The following NPAS3 variants were observed in gnomAD, a reference collection of about 807,000 sequenced individuals.
NPAS3 encodes neuronal PAS domain-containing protein 3.
NPAS3 carries 14 observed loss-of-function variants against 73.1 expected under a neutral mutation model. The ratio of observed to expected loss-of-function variants is 0.19; its 90% CI spans 0.13 to 0.30. NPAS3 has a LOEUF of 0.30. NPAS3 is among the 10% of genes least tolerant of loss of function. The pLI is 1.00. For synonymous variants in NPAS3, 620 were observed against 541.5 expected (o/e 1.14, Z -2.01); for missense variants, 1,096 against 1,250.0 (o/e 0.88, Z 1.86).
rs576746865 is a variant in NPAS3, at chr14:33,749,823, A to G, written c.852+14491A>G. Among the ~76,000 whole-genome samples, 6 of 152,238 alleles carry G rather than the reference A, an allele frequency of 3.9e-5. No homozygotes were observed. The East Asian group carries it at 9.7e-4, about 25-fold the overall frequency. ...AAGCCCAGAACCAACACACCATACC[A>G]TCACTGTCCCACAGAGTGCTGACAG... On this transcript the variant is annotated intron_variant, in intron 7 of 11. Coordinates refer to ENST00000356141, the Ensembl canonical transcript of NPAS3.
At chr14:33,794,950 G>A (rs1266042582) in intron 10 of NPAS3, among the ~76,000 whole-genome samples, 3 of 152,144 alleles carry the variant, frequency 2.0e-5, no homozygotes, top group Non-Finnish European at 2.9e-5. Context: ...GAGCCCACAC[G>A]TGGTCTGAGT....
At chr14:33,050,257 G>A (rs568091685) in intron 1 of NPAS3, among the ~76,000 whole-genome samples, 3 of 152,152 alleles carry the variant, frequency 2.0e-5, no homozygotes, top group Admixed American at 2.0e-4. Context: ...TGGCCAGTTG[G>A]GTTTTTTTGT....
chr14:33,287,029 T>C (rs2041905020), intron 3 of NPAS3, among the ~76,000 whole-genome samples: 1 of 152,182 alleles, frequency 6.6e-6, no homozygotes, highest in South Asian at 2.1e-4. Context: ...AATTTGCAGA[T>C]AGGATGTTTA....
intron 5 of NPAS3, among the ~76,000 whole-genome samples, chr14:33,618,462 A>G (rs1453731203): frequency 6.6e-6 from 1 of 152,122 alleles, no homozygotes; most frequent in Non-Finnish European, 1.5e-5. Flanking sequence ...CACAGTTCAC[A>G]ATAGGGTCCA....
intron 1 of NPAS3, among the ~76,000 whole-genome samples, chr14:32,958,388 A>G (rs186234326): frequency 9.7e-4 from 148 of 152,224 alleles, no homozygotes; most frequent in African/African-American, 3.4e-3. Flanking sequence ...GTTATCTTCC[A>G]TAATCTCTTG....
intron 1 of NPAS3, among the ~76,000 whole-genome samples, chr14:32,942,581 A>T (rs951301379): frequency 4.6e-5 from 7 of 152,244 alleles, no homozygotes; most frequent in African/African-American, 1.7e-4. Context: ...TACTATGTGG[A>T]TGTATAACCA....
chr14:33,559,102 G>A (rs1168556933), intron 4 of NPAS3, among the ~76,000 whole-genome samples: 1 of 152,130 alleles, frequency 6.6e-6, no homozygotes, highest in Non-Finnish European at 1.5e-5. Flanking sequence ...TTTGGAAAGT[G>A]GACTGAGGTT....
chr14:33,151,461 G>C (rs891300058), intron 2 of NPAS3, among the ~76,000 whole-genome samples: 30 of 152,308 alleles, frequency 2.0e-4, no homozygotes, highest in African/African-American at 7.2e-4. Context: ...CCGTCAGTTT[G>C]TATAAAAGAG....
intron 1 of NPAS3, among the ~76,000 whole-genome samples, chr14:32,985,280 G>C (rs1251669115): frequency 6.6e-6 from 1 of 152,240 alleles, no homozygotes; most frequent in Admixed American, 6.5e-5. Flanking sequence ...TTTAGGTAGG[G>C]CTCGTGTGTG....
chr14:33,054,630 TGA>T (rs1336277003), intron 1 of NPAS3, among the ~76,000 whole-genome samples: 7 of 102,890 alleles, frequency 6.8e-5, no homozygotes, highest in Non-Finnish European at 1.4e-4. Flanking sequence ...TTTTTTTTTT[TGA>T]GACGGTGTCT....
chr14:33,546,468 C>T (rs377722951), intron 4 of NPAS3, among the ~76,000 whole-genome samples: 32 of 152,178 alleles, frequency 2.1e-4, no homozygotes, highest in African/African-American at 7.2e-4. Context: ...CTGGATAACT[C>T]CCTACATCTA....
intron 5 of NPAS3, among the ~76,000 whole-genome samples, chr14:33,576,999 C>T (rs979980425): frequency 1.3e-5 from 2 of 152,118 alleles, no homozygotes; most frequent in South Asian, 2.1e-4. Flanking sequence ...TTTTAAAAAA[C>T]GTGTCAGCAG....
intron 4 of NPAS3, among the ~76,000 whole-genome samples, chr14:33,541,133 A>ATG (rs2054498706): frequency 7.2e-6 from 1 of 139,736 alleles, no homozygotes; most frequent in African/African-American, 2.7e-5. Flanking sequence ...GTGTGCATGC[A>ATG]CACACACACA....
intron 7 of NPAS3, among the ~76,000 whole-genome samples, chr14:33,768,233 A>C (rs2062528133): frequency 6.6e-6 from 1 of 152,172 alleles, no homozygotes; most frequent in Admixed American, 6.5e-5. Context: ...GAGCTTTAGC[A>C]TTTTTGTACA....
intron 5 of NPAS3, among the ~76,000 whole-genome samples, chr14:33,672,088 C>T (rs1326962371): frequency 6.6e-6 from 1 of 152,034 alleles, no homozygotes; most frequent in African/African-American, 2.4e-5. Flanking sequence ...AAGACAAAAG[C>T]GTGTTAACAC....
chr14:33,125,459 G>T (rs1270002381), intron 2 of NPAS3, among the ~76,000 whole-genome samples: 5 of 152,130 alleles, frequency 3.3e-5, no homozygotes, highest in African/African-American at 1.2e-4. Context: ...TGACAATTCA[G>T]TTCAGGTGTT....
chr14:33,763,980 G>C (rs1250649514), intron 7 of NPAS3, among the ~76,000 whole-genome samples: 1 of 152,094 alleles, frequency 6.6e-6, no homozygotes, highest in Non-Finnish European at 1.5e-5. Flanking sequence ...TTCAGCTCAA[G>C]AGACAGCAGA....
intron 4 of NPAS3, among the ~76,000 whole-genome samples, chr14:33,438,140 T>C (rs781004310): frequency 1.3e-5 from 2 of 152,218 alleles, no homozygotes; most frequent in African/African-American, 2.4e-5. Context: ...ATAATGTGAC[T>C]TCATGTGAAA....
chr14:33,733,430 C>G (rs1371534269), intron 6 of NPAS3, among the ~76,000 whole-genome samples: 1 of 152,032 alleles, frequency 6.6e-6, no homozygotes, highest in Non-Finnish European at 1.5e-5. Flanking sequence ...GGCTGACTGA[C>G]AGTTCTGATC....
Sources: allele counts gnomAD v4.1 joint callset (sites outside exome capture counted in the v4.1 genomes callset), GRCh38; gene constraint gnomAD v4.1.1; transcripts MANE v1.5; gene names NCBI Gene and HGNC (gene_info 2026-07-23, HGNC 2026-07-21).